RGS14: variants seen among roughly 807,000 people sequenced by gnomAD.
The protein encoded by RGS14 is regulator of G-protein signaling 14.
Under a neutral mutation model 63.8 loss-of-function variants are expected in RGS14, and 33 were observed. The observed-to-expected ratio is 0.52, with a 90% confidence interval of 0.39 to 0.69. The LOEUF (loss-of-function observed/expected upper bound fraction) is 0.69, where lower values mean the gene tolerates loss of function less well. Among genes scored for constraint, RGS14 ranks in the 30% least tolerant of loss-of-function variants. The probability of loss-of-function intolerance (pLI) is 0.00; values close to 1 mark genes in which losing one functional copy is unlikely to be tolerated. For missense variants in RGS14, 739 were observed against 742.9 expected (o/e 0.99, Z 0.06); for synonymous variants, 296 against 320.9 (o/e 0.92, Z 0.83).
In RGS14 at chr5:177,366,001, G is replaced by T; in HGVS notation, c.67+17G>T. On this transcript the variant is annotated intron_variant, in intron 2 of 14. Transcript: ENST00000408923. ...CAGATGGAGGTAAGTGACAGAATGT[G>T]TGGAGAACTGGCTGAGTGGGAGGGA... The T allele has an allele frequency of 6.2e-7, 1 of 1,613,684 alleles. No homozygotes were observed. The highest frequency in any genetic ancestry group is 1.1e-5 in the South Asian group (1 of 91,082).
At chr5:177,370,449 C>T (rs1762211027) in intron 9 of RGS14, 142 bp from the exon 10 acceptor site, 4 of 721,328 alleles carry the variant, frequency 5.5e-6, no homozygotes, top group Middle Eastern at 2.4e-4. Context: ...CCATTTGCTC[C>T]CCTACAGCTC....
chr5:177,366,355 T>C lies in RGS14; in HGVS notation c.246T>C (p.Thr82=), dbSNP rs1219779593. ...LQDPLGLAYF[T]EFLKKEFSAE... is the part of the protein sequence containing the mutation. ...ACCCGCTGGGCCTGGCTTACTTCACTGTAAGCCTGGGGTAGGGAAAGGGAA... is the reference window on the plus strand; with the variant it reads ...ACCCGCTGGGCCTGGCTTACTTCACCGTAAGCCTGGGGTAGGGAAAGGGAA... Residue 82 remains threonine, a splice_region_variant and synonymous_variant, in exon 3 of 15, where the codon ACT becomes ACC. Transcript: ENST00000408923. The C allele has an allele frequency of 1.3e-6, 2 of 1,541,692 alleles. No homozygotes were observed.
In RGS14 at chr5:177,371,989, A is replaced by G. The variant is rs938818287; in HGVS notation, c.1615A>G (p.Ser539Gly). ...TCTGCAGCTGCCCGCCCAAGGGCCC[A>G]GCTCCGAGGAGACCCCACCACAGAC... ...EFLQLPAQGP[S>G]SEETPPQTKS... The change falls in exon 15 of 15, where the codon AGC becomes GGC. Residue 539 changes from serine to glycine, a missense_variant. By Grantham distance (56) the Ser-to-Gly change is moderately conservative (BLOSUM62 0). Transcript: ENST00000408923. This position sits in a 1 kb window ranked among gnomAD's most constrained non-coding sequence, Gnocchi z 6.1. 3.1e-6 allele frequency: 5 copies of G among 1,614,144 alleles called. No homozygotes were observed. Among genetic ancestry groups the G allele is most frequent in the Non-Finnish European group, 4.2e-6 (5 of 1,180,016 alleles).
In RGS14 at chr5:177,359,834, C is replaced by A. The variant is rs1344295922; in HGVS notation, c.45+1765C>A. On this transcript the variant is annotated intron_variant, in intron 1 of 14. Coordinates refer to ENST00000408923, the MANE Select transcript of RGS14 (RefSeq NM_006480.5). The surrounding 1 kb of genome is among the most constrained non-coding windows in gnomAD (Gnocchi z 4.4). ...GGTGCGGATGTGGATGGAGGGGCGC[C>A]TGGGGGACAGGTATGTCTGGTCCCT... Among the ~76,000 whole-genome samples the A allele has an allele frequency of 6.6e-6, 1 of 152,180 alleles. No individual in the cohort carries two copies. The highest frequency in any genetic ancestry group is 1.5e-5 in the Non-Finnish European group (1 of 68,032).
chr5:177,370,767 G>T, intron 10 of RGS14, 103 bp downstream of exon 10: 1 of 930,570 alleles, frequency 1.1e-6, no homozygotes, highest in Non-Finnish European at 1.6e-6. Context: ...TGCTAGCCCC[G>T]CCCCTGGGAC....
At chr5:177,370,360 C>A (rs1762206854) in intron 9 of RGS14, among the ~76,000 whole-genome samples, 1 of 152,190 alleles carries the variant, frequency 6.6e-6, no homozygotes, top group Non-Finnish European at 1.5e-5. Flanking sequence ...TGTCCTTTCC[C>A]AAGAATGTCC....
rs975844412 is a variant in RGS14, at chr5:177,359,870, C to T, written c.45+1801C>T. 1.3e-5 allele frequency among the ~76,000 whole-genome samples: 2 copies of T among 152,180 alleles called. No homozygotes were observed. Among genetic ancestry groups the T allele is most frequent in the African/African-American group, 2.4e-5 (1 of 41,428 alleles). ...GTATGTCTGGTCCCTCCATGAGTTACCTCCCAAGGGAGGCTCAGAGAAGTA... is the reference window on the plus strand; with the variant it reads ...GTATGTCTGGTCCCTCCATGAGTTATCTCCCAAGGGAGGCTCAGAGAAGTA... On this transcript the variant is annotated intron_variant, in intron 1 of 14. Coordinates refer to ENST00000408923, the MANE Select transcript of RGS14 (RefSeq NM_006480.5). This position sits in a 1 kb window ranked among gnomAD's most constrained non-coding sequence, Gnocchi z 4.4.
rs946340363 is a variant in RGS14, at chr5:177,366,306, T to A, written c.197T>A (p.Leu66Gln). 15 of 1,556,542 alleles carry A rather than the reference T, an allele frequency of 9.6e-6. No homozygotes were observed. The highest frequency in any genetic ancestry group is 1.3e-5 in the Non-Finnish European group (15 of 1,151,020). Residue 66 changes from leucine (L) to glutamine (Q), a missense_variant, in exon 3 of 15, where the codon CTG becomes CAG. Transcript: ENST00000408923. ...GAGCAGCCTGTGGCCAGCTGGGCCC[T>A]GTCCTTCGAGCGGCTGTTGCAGGAC... The part of the protein sequence containing the change: ...TEEQPVASWA[L>Q]SFERLLQDPL...
chr5:177,367,389 C>T, intron 5 of RGS14, 25 bp from the exon 6 acceptor site: 2 of 1,577,892 alleles, frequency 1.3e-6, no homozygotes. Context: ...AGCCCCGGCT[C>T]ACCTGTTCCG....
intron 6 of RGS14, 69 bp from the exon 7 acceptor site, chr5:177,367,645 A>T (rs933172354): frequency 1.1e-5 from 17 of 1,586,566 alleles, no homozygotes; most frequent in Middle Eastern, 1.8e-4. Flanking sequence ...CAGATCTGCG[A>T]GTCTGTGCCC....
In RGS14 at chr5:177,372,196, C is replaced by A; in HGVS notation, c.*121C>A. The A allele has an allele frequency of 2.0e-6, 2 of 1,009,722 alleles. No homozygotes were observed. The highest frequency in any genetic ancestry group is 2.9e-6 in the Non-Finnish European group (2 of 681,274). 62.5% of individuals were successfully genotyped at this position (1,009,722 alleles called of 1,614,324 possible). On this transcript the variant is annotated 3_prime_UTR_variant, in exon 15 of 15. Transcript: ENST00000408923. ...CTGGCCCCTTCCTGCCATGGGCAGG[C>A]CCGCAGGAAGAGCCGGTAGGGGTGG...
chr5:177,365,844 T>C, intron 1 of RGS14, 119 bp from the exon 2 acceptor site: 1 of 1,014,962 alleles, frequency 9.9e-7, no homozygotes, highest in African/African-American at 1.6e-5. Flanking sequence ...AAGTAGAACC[T>C]GGCCGGGGAT....
Position 177,367,409 on chromosome 5 carries a change from C to G in RGS14, c.484-5C>G. The G allele has an allele frequency of 6.3e-7, 1 of 1,598,034 alleles. No homozygotes were observed. The highest frequency in any genetic ancestry group is 8.5e-7 in the Non-Finnish European group (1 of 1,171,162). Reference sequence around the variant, plus strand: ...CGGCTCACCTGTTCCGGGGTCGCCCCGCAGATCTTCAACTTGATGAAGTTC... The same window carrying G: ...CGGCTCACCTGTTCCGGGGTCGCCCGGCAGATCTTCAACTTGATGAAGTTC... On this transcript the variant is annotated splice_polypyrimidine_tract_variant and splice_region_variant and intron_variant, in intron 5 of 14. Transcript: ENST00000408923.
rs1762281160 is a variant in RGS14, at chr5:177,371,875, C to T, written c.1501C>T (p.Leu501=). ...GKRQTCDIEG[L]VELLNRVQSS... is the part of the protein sequence containing the mutation. ...CTCATGCTGTGGCTTGCCTCCAGGC[C>T]TGGTGGAGCTGCTGAACCGGGTGCA... The change falls in exon 15 of 15, where the codon CTG becomes TTG. Residue 501 remains leucine (L), a splice_region_variant and synonymous_variant. Coordinates refer to ENST00000408923, the MANE Select transcript of RGS14 (RefSeq NM_006480.5). The surrounding 1 kb of genome is among the most constrained non-coding windows in gnomAD (Gnocchi z 6.1). 1.9e-6 allele frequency: 3 copies of T among 1,610,810 alleles called. No homozygotes were observed. The highest frequency in any genetic ancestry group is 2.5e-6 in the Non-Finnish European group (3 of 1,178,864).
chr5:177,367,128 G>A, intron 5 of RGS14, 94 bp downstream of exon 5: 3 of 1,480,662 alleles, frequency 2.0e-6, no homozygotes, highest in Non-Finnish European at 2.7e-6. Flanking sequence ...ACAAAGCGGA[G>A]GGGGCAAATT....
At chr5:177,369,373 G>A (rs1024022002) in intron 9 of RGS14, among the ~76,000 whole-genome samples, 14 of 152,194 alleles carry the variant, frequency 9.2e-5, no homozygotes, top group African/African-American at 3.4e-4. Flanking sequence ...GGCTTTAAAG[G>A]AAACCATTCA....
chr5:177,368,054 CTG>C, intron 7 of RGS14, 101 bp from the exon 8 acceptor site: 2 of 1,523,144 alleles, frequency 1.3e-6, no homozygotes, highest in South Asian at 2.5e-5. Flanking sequence ...ACCTGGGCCC[CTG>C]CAGGATGGCT....
rs1554092887 is a variant in RGS14, at chr5:177,358,759, A to G, written c.45+690A>G. ...ATCTGGCTCTTCTCATTCATTCAGC[A>G]GATGGGGCAAGCTGTGCTGGGCCTC... On this transcript the variant is annotated intron_variant, in intron 1 of 14. Transcript: ENST00000408923. This position sits in a 1 kb window ranked among gnomAD's most constrained non-coding sequence, Gnocchi z 4.8. 6.6e-6 allele frequency among the ~76,000 whole-genome samples: 1 copy of G among 152,212 alleles called. No homozygotes were observed. Among genetic ancestry groups the G allele is most frequent in the Non-Finnish European group, 1.5e-5 (1 of 68,038 alleles).
Position 177,371,054 on chromosome 5 carries a change from G to C in RGS14, c.1254+23G>C. 1 of 1,143,794 alleles carries C rather than the reference G, an allele frequency of 8.7e-7. No individual in the cohort carries two copies. Among genetic ancestry groups the C allele is most frequent in the Non-Finnish European group, 1.1e-6 (1 of 931,050 alleles). The allele number at this position is 1,143,794 out of a possible 1,614,324, so 70.9% of individuals were successfully genotyped here. A position where few individuals can be genotyped will look rare whatever the true frequency, so the allele number is the denominator to read the frequency against. On this transcript the variant is annotated intron_variant, in intron 11 of 14. Transcript: ENST00000408923. The surrounding 1 kb of genome is among the most constrained non-coding windows in gnomAD (Gnocchi z 6.1). ...CGGGTGAGCTTCCGGGCCGCGGGGC[G>C]GGGCGGGGCGGGGCCGGGCCGGGGC...
Sources: allele counts gnomAD v4.1 joint callset (sites outside exome capture counted in the v4.1 genomes callset), GRCh38; gene constraint gnomAD v4.1.1; non-coding constraint Gnocchi (gnomAD v3.1); transcripts MANE v1.5; gene names NCBI Gene and HGNC (gene_info 2026-07-23, HGNC 2026-07-21).